Variants in ASTN2 observed in about 807,000 individuals in gnomAD.
The protein encoded by ASTN2 is astrotactin-2.
A neutral mutation model predicts 139.8 loss-of-function variants in ASTN2; 54 were observed. The observed-to-expected ratio is 0.39, with a 90% confidence interval of 0.31 to 0.48. The LOEUF is 0.48. Among genes scored for constraint, ASTN2 ranks in the 20% least tolerant of loss-of-function variants. The pLI is 0.95. For missense variants in ASTN2, 1,565 were observed against 1,725.1 expected, an observed-to-expected ratio of 0.91 and a Z score of 1.64; for synonymous variants, 756 against 719.5, an observed-to-expected ratio of 1.05 and a Z score of -0.81.
intron 19 of ASTN2, among the ~76,000 whole-genome samples, chr9:116,510,434 C>T (rs150743758): frequency 2.2e-3 from 330 of 152,128 alleles, no homozygotes; most frequent in African/African-American, 7.3e-3. Context: ...AATCAGGTAG[C>T]GTGATGCCTC....
chr9:117,213,689 C>G (rs900820875), intron 3 of ASTN2, among the ~76,000 whole-genome samples: 1 of 152,152 alleles, frequency 6.6e-6, no homozygotes, highest in Non-Finnish European at 1.5e-5. Context: ...AAGAAGGAGA[C>G]AAAAATCCCA....
intron 17 of ASTN2, among the ~76,000 whole-genome samples, chr9:116,644,417 A>C (rs536521684): frequency 7.9e-5 from 12 of 152,314 alleles, no homozygotes; most frequent in African/African-American, 2.9e-4. Context: ...TACAGCCTTC[A>C]AAACATTGAA....
chr9:117,236,934 T>C (rs1486212859), intron 2 of ASTN2, among the ~76,000 whole-genome samples: 4 of 152,048 alleles, frequency 2.6e-5, no homozygotes, highest in Non-Finnish European at 5.9e-5. Context: ...ATCCCAGAAA[T>C]GCAAAAAATA....
chr9:117,299,477 T>C (rs2130797137), intron 1 of ASTN2, among the ~76,000 whole-genome samples: 1 of 152,264 alleles, frequency 6.6e-6, no homozygotes, highest in African/African-American at 2.4e-5. Flanking sequence ...CTCAAAGAAT[T>C]GGCAAGATTT....
intron 1 of ASTN2, among the ~76,000 whole-genome samples, chr9:117,323,289 C>T (rs1011508291): frequency 1.3e-5 from 2 of 152,100 alleles, no homozygotes; most frequent in Non-Finnish European, 2.9e-5. Context: ...TCTGACCCCC[C>T]AAAGCCTCAT....
chr9:116,488,992 G>A (rs1027821293), intron 19 of ASTN2, among the ~76,000 whole-genome samples: 4 of 152,036 alleles, frequency 2.6e-5, no homozygotes, highest in Non-Finnish European at 5.9e-5. Flanking sequence ...TTTTTATACC[G>A]CACAGTATAA....
chr9:116,961,450 T>C (rs577243802), intron 10 of ASTN2, among the ~76,000 whole-genome samples: 3 of 152,210 alleles, frequency 2.0e-5, no homozygotes, highest in Non-Finnish European at 4.4e-5. Context: ...AAGTACCTCA[T>C]ATAAGTGGAA....
rs555282444 is a variant in ASTN2, at chr9:117,182,762, C to T, written c.1015+31596G>A. 1.6e-4 allele frequency among the ~76,000 whole-genome samples: 25 copies of T among 152,192 alleles called. 1 individual carries two copies. In the South Asian group the frequency reaches 5.2e-3, roughly 32 times the overall value. On this transcript the variant is annotated intron_variant, in intron 3 of 22. Coordinates refer to ENST00000313400, the MANE Select transcript of ASTN2 (RefSeq NM_001365068.1). ...CAGAACGTCTTAAAAGCCACTTCAG[C>T]TTGCAGTGTCTCGGTGCCCCCATCT...
intron 1 of ASTN2, among the ~76,000 whole-genome samples, chr9:117,393,686 C>T (rs28394370): frequency 1.3e-5 from 2 of 152,152 alleles, no homozygotes; most frequent in Admixed American, 1.3e-4. Flanking sequence ...CAGTTCCATC[C>T]GCTCCTGTCT....
At chr9:116,657,568 C>A (rs546720086) in intron 16 of ASTN2, among the ~76,000 whole-genome samples, 1 of 152,206 alleles carries the variant, frequency 6.6e-6, no homozygotes, top group Non-Finnish European at 1.5e-5. Context: ...AGGCCAGACA[C>A]GGTGGCTCAC....
chr9:117,282,082 T>C lies in ASTN2; in HGVS notation c.630+9244A>G, dbSNP rs74593760. 7.7e-3 allele frequency among the ~76,000 whole-genome samples: 1,166 copies of C among 152,318 alleles called. 15 individuals carry two copies. Among genetic ancestry groups the C allele is most frequent in the African/African-American group, 0.026 (1,097 of 41,570 alleles). ...TCTCTGTTTCATTTTCCCCCATCTC[T>C]GCTTTTGTTGCTAAATCCCTTTCTG... On this transcript the variant is annotated intron_variant, in intron 2 of 22. Transcript: ENST00000313400.
intron 11 of ASTN2, among the ~76,000 whole-genome samples, chr9:116,834,957 G>T (rs1314074416): frequency 6.6e-6 from 1 of 152,186 alleles, no homozygotes; most frequent in Non-Finnish European, 1.5e-5. Context: ...GTTGAGGTGG[G>T]AAGGTCGCTT....
intron 17 of ASTN2, among the ~76,000 whole-genome samples, chr9:116,621,943 T>G (rs760980744): frequency 2.0e-5 from 3 of 152,230 alleles, no homozygotes; most frequent in Non-Finnish European, 2.9e-5. Flanking sequence ...CTGCACATTC[T>G]GAATGAATGA....
At position 116,740,687 on chromosome 9, in the gene ASTN2, A is replaced by T. The variant is rs191730522; in HGVS notation, c.2397-7164T>A. On this transcript the variant is annotated intron_variant, in intron 13 of 22. Transcript: ENST00000313400. The stretch of plus-strand genomic sequence containing the variant: ...ACCACCACGCTCTGCTAATTTTTTA[A>T]TTTTTTTTAGTAGAGATGGGGTTTC... Among the ~76,000 whole-genome samples, 170 of 150,898 alleles carry T rather than the reference A, an allele frequency of 1.1e-3. 3 individuals are homozygous for T. The East Asian group carries it at 0.031, about 27-fold the overall frequency.
intron 2 of ASTN2, among the ~76,000 whole-genome samples, chr9:117,286,611 T>C (rs1307684388): frequency 6.6e-6 from 1 of 152,206 alleles, no homozygotes; most frequent in Non-Finnish European, 1.5e-5. Flanking sequence ...TAATAGCTTG[T>C]TCTGATAAAC....
At chr9:117,203,252 T>G (rs1174513223) in intron 3 of ASTN2, among the ~76,000 whole-genome samples, 2 of 152,012 alleles carry the variant, frequency 1.3e-5, no homozygotes, top group African/African-American at 4.8e-5. Context: ...CTTCTCAAGA[T>G]TCTTAGCTTC....
intron 5 of ASTN2, among the ~76,000 whole-genome samples, chr9:117,086,270 C>A (rs1451952606): frequency 6.6e-6 from 1 of 152,104 alleles, no homozygotes; most frequent in East Asian, 1.9e-4. Flanking sequence ...ACAAGAGACA[C>A]CTAGGATTAA....
At chr9:117,077,486 G>A (rs1394026587) in intron 5 of ASTN2, among the ~76,000 whole-genome samples, 1 of 152,192 alleles carries the variant, frequency 6.6e-6, no homozygotes, top group Non-Finnish European at 1.5e-5. Flanking sequence ...GGTAGCTCAT[G>A]CTTGTAATCC....
chr9:117,039,708 G>A (rs938007491), intron 6 of ASTN2, 111 bp downstream of exon 6: 1 of 1,182,190 alleles, frequency 8.5e-7, no homozygotes, highest in African/African-American at 1.6e-5. Flanking sequence ...TTTTCCTCCT[G>A]TAATATATGT....
Sources: gnomAD v4.1 joint callset for allele counts (sites outside exome capture counted in the v4.1 genomes callset) on GRCh38, gnomAD v4.1.1 for gene constraint, MANE v1.5 for transcripts, NCBI Gene and HGNC (gene_info 2026-07-23, HGNC 2026-07-21) for gene names.